CBLB: variants seen among roughly 807,000 people sequenced by gnomAD.
CBLB encodes the protein E3 ubiquitin-protein ligase CBL-B.
A neutral mutation model predicts 104.9 loss-of-function variants in CBLB; 31 were observed. That is an observed-to-expected ratio of 0.30 (90% confidence interval 0.22 to 0.40). The LOEUF (loss-of-function observed/expected upper bound fraction) is 0.40, where lower values mean the gene tolerates loss of function less well. CBLB is among the 10% of genes least tolerant of loss of function. CBLB has a pLI of 1.00. For synonymous variants in CBLB, 440 were observed against 422.6 expected (o/e 1.04, Z -0.51); for missense variants, 1,062 against 1,214.6 (o/e 0.87, Z 1.87).
rs752797352 is a variant in CBLB, at chr3:105,693,460, T to C, written c.2054+34A>G. On this transcript the variant is annotated intron_variant, in intron 13 of 18. Coordinates refer to ENST00000394030, the MANE Select transcript of CBLB (RefSeq NM_170662.5). ...AACCACTCTACCATATCTTGATGCATAGACAAGTGATCTCCAAATTCAACA... is the reference window on the plus strand; with the variant it reads ...AACCACTCTACCATATCTTGATGCACAGACAAGTGATCTCCAAATTCAACA... The C allele has an allele frequency of 6.4e-5, 89 of 1,396,452 alleles. No homozygotes were observed. In the Middle Eastern group the frequency reaches 7.4e-4, roughly 12 times the overall value. 86.5% of individuals were successfully genotyped at this position (1,396,452 alleles called of 1,614,324 possible). A position where few individuals can be genotyped will look rare whatever the true frequency, so the allele number is the denominator to read the frequency against.
intron 6 of CBLB, among the ~76,000 whole-genome samples, chr3:105,743,958 A>G (rs1009264819): frequency 3.2e-4 from 49 of 152,224 alleles, no homozygotes; most frequent in African/African-American, 1.2e-3. Context: ...TTTTTTTCTC[A>G]GAGGACATTA....
chr3:105,711,095 C>T (rs966442185), intron 10 of CBLB, among the ~76,000 whole-genome samples: 4 of 151,934 alleles, frequency 2.6e-5, no homozygotes, highest in African/African-American at 9.7e-5. Flanking sequence ...TAAGAAACTT[C>T]AAGCACAGTC....
intron 4 of CBLB, among the ~76,000 whole-genome samples, chr3:105,775,256 A>G (rs1159093311): frequency 6.6e-6 from 1 of 152,128 alleles, no homozygotes; most frequent in Non-Finnish European, 1.5e-5. Context: ...AGGCTTTAAT[A>G]TTTTGGATGC....
intron 12 of CBLB, among the ~76,000 whole-genome samples, chr3:105,701,759 G>A (rs761025137): frequency 1.1e-5 from 1 of 88,456 alleles, no homozygotes; most frequent in Non-Finnish European, 2.5e-5. Context: ...GCGAGGCTTC[G>A]TCTCAAAAAA....
intron 4 of CBLB, among the ~76,000 whole-genome samples, chr3:105,766,523 C>G (rs955715170): frequency 5.9e-5 from 9 of 152,226 alleles, no homozygotes; most frequent in African/African-American, 2.2e-4. Flanking sequence ...GCCACCTTAA[C>G]TTTCAGCATA....
In CBLB at chr3:105,685,382, T is replaced by C; in HGVS notation, c.2139A>G (p.Ser713=). The stretch of plus-strand genomic sequence containing the variant: ...GTGAATTCAGGGAAACAGGGTGGGA[T>C]GAAGGAATCTTGTATTCATCATCAT... The part of the protein sequence containing the change: ...EEDDDEYKIP[S]SHPVSLNSQP... The change falls in exon 14 of 19, where the codon TCA becomes TCG. Residue 713 remains serine (S), a synonymous_variant. Transcript: ENST00000394030. 6.2e-7 allele frequency: 1 copy of C among 1,613,144 alleles called. No homozygotes were observed. Among genetic ancestry groups the C allele is most frequent in the South Asian group, 1.1e-5 (1 of 91,068 alleles).
At chr3:105,687,247 T>C (rs192519811) in intron 13 of CBLB, among the ~76,000 whole-genome samples, 179 of 152,264 alleles carry the variant, frequency 1.2e-3, no homozygotes, top group African/African-American at 4.2e-3. Context: ...CTATTCAATA[T>C]CAGAAATGTT....
chr3:105,729,719 A>C (rs2152848606), intron 9 of CBLB, among the ~76,000 whole-genome samples: 1 of 152,256 alleles, frequency 6.6e-6, no homozygotes, highest in South Asian at 2.1e-4. Flanking sequence ...CAATTAGGTT[A>C]AGTCAAGTGA....
At chr3:105,683,539 C>T (rs1490401675) in intron 14 of CBLB, among the ~76,000 whole-genome samples, 1 of 85,192 alleles carries the variant, frequency 1.2e-5, no homozygotes, top group Non-Finnish European at 2.8e-5. Context: ...TAAAATTATA[C>T]TCCTCACTTA....
At chr3:105,845,299 A>G (rs960566344) in intron 3 of CBLB, among the ~76,000 whole-genome samples, 17 of 151,794 alleles carry the variant, frequency 1.1e-4, no homozygotes, top group Non-Finnish European at 2.5e-4. Context: ...CTGATTTAGA[A>G]GAAATTAAAA....
intron 3 of CBLB, among the ~76,000 whole-genome samples, chr3:105,793,134 G>A (rs1441649527): frequency 6.6e-6 from 1 of 152,080 alleles, no homozygotes; most frequent in Non-Finnish European, 1.5e-5. Context: ...CTAATCAAAA[G>A]AGAAAGATCT....
intron 9 of CBLB, among the ~76,000 whole-genome samples, chr3:105,725,356 C>T (rs2073456001): frequency 6.6e-6 from 1 of 152,158 alleles, no homozygotes; most frequent in Non-Finnish European, 1.5e-5. Flanking sequence ...ACATTCTAAA[C>T]ACTTTTTAAA....
At chr3:105,780,160 C>T (rs566497908) in intron 3 of CBLB, among the ~76,000 whole-genome samples, 34 of 150,108 alleles carry the variant, frequency 2.3e-4, no homozygotes, top group Middle Eastern at 6.9e-3. Context: ...GCCTAATACC[C>T]ATTTAAAAAA....
At chr3:105,692,893 G>A (rs2067889371) in intron 13 of CBLB, among the ~76,000 whole-genome samples, 1 of 147,372 alleles carries the variant, frequency 6.8e-6, no homozygotes, top group Admixed American at 6.9e-5. Context: ...GTGCCTCTGG[G>A]GCCCCATTTT....
At chr3:105,775,542 C>G (rs2079358862) in intron 4 of CBLB, among the ~76,000 whole-genome samples, 1 of 152,142 alleles carries the variant, frequency 6.6e-6, no homozygotes, top group African/African-American at 2.4e-5. Flanking sequence ...CACACTTCCT[C>G]CTTACTTACT....
chr3:105,847,030 G>A (rs1403784594), intron 3 of CBLB, among the ~76,000 whole-genome samples: 1 of 152,042 alleles, frequency 6.6e-6, no homozygotes, highest in Non-Finnish European at 1.5e-5. Context: ...AAAGAAAGTA[G>A]GTTTGTTTGC....
intron 17 of CBLB, among the ~76,000 whole-genome samples, chr3:105,675,250 C>T (rs1044357159): frequency 6.6e-6 from 1 of 152,102 alleles, no homozygotes; most frequent in Non-Finnish European, 1.5e-5. Context: ...ACAACGAAAA[C>T]AACGGTAAAA....
At chr3:105,734,423 A>G (rs1419599188) in intron 8 of CBLB, among the ~76,000 whole-genome samples, 1 of 152,202 alleles carries the variant, frequency 6.6e-6, no homozygotes, top group Non-Finnish European at 1.5e-5. Context: ...ACTTGCTTCA[A>G]TAGTCATGGT....
At chr3:105,869,145 G>C (rs1706739135), upstream of CBLB, 1 of 690,370 alleles carries the variant, frequency 1.4e-6, no homozygotes. Flanking sequence ...GACGGGAGGC[G>C]CCCGTCCTCC....
Sources: allele counts gnomAD v4.1 joint callset (sites outside exome capture counted in the v4.1 genomes callset), GRCh38; gene constraint gnomAD v4.1.1; transcripts MANE v1.5; gene names NCBI Gene and HGNC (gene_info 2026-07-23, HGNC 2026-07-21).